Variants in UNC79 observed in about 807,000 individuals in gnomAD.
The protein encoded by UNC79 is protein unc-79 homolog.
A neutral mutation model predicts 283.1 loss-of-function variants in UNC79; 37 were observed. The observed-to-expected ratio is 0.13, with a 90% CI of 0.10 to 0.17. UNC79 has a LOEUF of 0.17. UNC79 is among the 10% of genes least tolerant of loss of function. The pLI, the probability that UNC79 is intolerant of heterozygous loss-of-function variation, is 1.00. For missense variants in UNC79, 2,272 were observed against 3,211.1 expected, an observed-to-expected ratio of 0.71 and a Z score of 7.07; for synonymous variants, 1,107 against 1,200.2, an observed-to-expected ratio of 0.92 and a Z score of 1.61.
chr14:93,336,388 C>G (rs1436695164), intron 1 of UNC79, among the ~76,000 whole-genome samples: 1 of 152,022 alleles, frequency 6.6e-6, no homozygotes, highest in African/African-American at 2.4e-5. Context: ...GTCACCCAGG[C>G]TGGAGTGCAA....
At chr14:93,583,374 C>T (rs2063960298) in intron 20 of UNC79, among the ~76,000 whole-genome samples, 1 of 151,940 alleles carries the variant, frequency 6.6e-6, no homozygotes, top group African/African-American at 2.4e-5. Context: ...GAGCCCACTC[C>T]AGTATCAGGA....
At chr14:93,678,107 T>C (rs1375255694) in intron 41 of UNC79, among the ~76,000 whole-genome samples, 1 of 152,276 alleles carries the variant, frequency 6.6e-6, no homozygotes. Context: ...ACCTTTCCCC[T>C]TTACCTTTGG....
At chr14:93,578,121 A>G in intron 18 of UNC79, 58 bp downstream of exon 18, 1 of 1,492,414 alleles carries the variant, frequency 6.7e-7, no homozygotes. Flanking sequence ...AAAGCGTTGT[A>G]CAGCAATTCT....
At chr14:93,545,214 CAT>C (rs1459981839) in intron 14 of UNC79, among the ~76,000 whole-genome samples, 1 of 152,124 alleles carries the variant, frequency 6.6e-6, no homozygotes, top group African/African-American at 2.4e-5. Context: ...TTCATCAAAA[CAT>C]AAAATTTCTC....
rs117737685 is a variant in UNC79, at chr14:93,341,878, C to T, written c.-351+8355C>T. On this transcript the variant is annotated intron_variant, in intron 1 of 49. Coordinates refer to the UNC79 transcript ENST00000256339. Reference sequence around the variant, plus strand: ...CTCCATGTCTCACATCCAAGACATACTGATGCAAGAGGTGGGTTCCCAAGG... The same window carrying T: ...CTCCATGTCTCACATCCAAGACATATTGATGCAAGAGGTGGGTTCCCAAGG... Among the ~76,000 whole-genome samples, 3 of 152,328 alleles carry T rather than the reference C, an allele frequency of 2.0e-5. No individual in the cohort carries two copies. The East Asian group carries it at 5.8e-4, about 29-fold the overall frequency.
At chr14:93,561,771 G>T (rs556321515) in intron 14 of UNC79, among the ~76,000 whole-genome samples, 1 of 152,318 alleles carries the variant, frequency 6.6e-6, no homozygotes, top group Non-Finnish European at 1.5e-5. Flanking sequence ...AAGAGTGGCG[G>T]TTTGGGGATA....
intron 1 of UNC79, chr14:93,347,042 ACTG>A: frequency 2.1e-6 from 1 of 476,328 alleles, no homozygotes; most frequent in Non-Finnish European, 3.7e-6. Flanking sequence ...CAAAGCACGG[ACTG>A]CTGAGTGGAA....
intron 46 of UNC79, among the ~76,000 whole-genome samples, chr14:93,692,996 T>A (rs1450132489): frequency 6.6e-6 from 1 of 152,240 alleles, no homozygotes; most frequent in Non-Finnish European, 1.5e-5. Flanking sequence ...AACACTACAC[T>A]GCCCACAAAA....
intron 1 of UNC79, among the ~76,000 whole-genome samples, chr14:93,385,117 C>T (rs1009241552): frequency 2.0e-5 from 3 of 152,070 alleles, no homozygotes; most frequent in African/African-American, 7.2e-5. Context: ...AATGTGATTC[C>T]TTCAGTTTTG....
At chr14:93,638,530 T>C (rs1469873892) in intron 32 of UNC79, among the ~76,000 whole-genome samples, 2 of 152,222 alleles carry the variant, frequency 1.3e-5, no homozygotes, top group African/African-American at 4.8e-5. Flanking sequence ...CATGCATGCC[T>C]TTGAGACAAA....
At chr14:93,697,568 C>T (rs1406217140) in intron 47 of UNC79, among the ~76,000 whole-genome samples, 2 of 151,990 alleles carry the variant, frequency 1.3e-5, no homozygotes, top group African/African-American at 4.8e-5. Context: ...AGGTCATTTG[C>T]CATTCGAGAT....
At chr14:93,622,943 A>C (rs1368953280) in intron 30 of UNC79, 102 bp downstream of exon 32, 1 of 1,439,836 alleles carries the variant, frequency 6.9e-7, no homozygotes, top group Non-Finnish European at 9.3e-7. Context: ...AAACTCTTAT[A>C]ATGTCAGGGT....
intron 5 of UNC79, among the ~76,000 whole-genome samples, chr14:93,492,311 T>C (rs781418168): frequency 6.6e-6 from 1 of 151,300 alleles, no homozygotes; most frequent in South Asian, 2.1e-4. Flanking sequence ...TCAGAAAAGA[T>C]TTTGCGTCAC....
chr14:93,349,591 T>C (rs1168962427), intron 1 of UNC79, among the ~76,000 whole-genome samples: 2 of 152,236 alleles, frequency 1.3e-5, no homozygotes, highest in Admixed American at 6.5e-5. Flanking sequence ...ATCTCTCCTC[T>C]ACATTCTGTT....
intron 1 of UNC79, among the ~76,000 whole-genome samples, chr14:93,359,661 T>G (rs1020178687): frequency 1.3e-5 from 2 of 152,186 alleles, no homozygotes; most frequent in Non-Finnish European, 2.9e-5. Flanking sequence ...GGAAGCCTAC[T>G]GCATTCCTAC....
exon 14 of UNC79, chr14:93,542,643 C>T (rs375043069): frequency 1.5e-5 from 24 of 1,614,166 alleles, no homozygotes; most frequent in East Asian, 2.2e-5. Flanking sequence ...ATGTGATGTT[C>T]GCTTCGATGT....
chr14:93,630,274 G>T (rs74073847), intron 30 of UNC79, among the ~76,000 whole-genome samples: 2,879 of 152,314 alleles, frequency 0.019, 108 homozygotes, highest in African/African-American at 0.066. Context: ...GAAGGTTAAA[G>T]ACAAGGTGCT....
At chr14:93,605,567 G>A (rs1188898154) in intron 26 of UNC79, among the ~76,000 whole-genome samples, 1 of 152,182 alleles carries the variant, frequency 6.6e-6, no homozygotes, top group East Asian at 1.9e-4. Context: ...GAATGGTGCC[G>A]TGACTCACTG....
upstream of UNC79, among the ~76,000 whole-genome samples, chr14:93,428,693 A>C (rs1037936718): frequency 1.3e-5 from 2 of 152,256 alleles, no homozygotes; most frequent in Non-Finnish European, 2.9e-5. Context: ...GAGTTTCAGC[A>C]GTAATGCTAA....
Sources: allele counts gnomAD v4.1 joint callset (sites outside exome capture counted in the v4.1 genomes callset), GRCh38; gene constraint gnomAD v4.1.1; transcripts MANE v1.5; gene names NCBI Gene and HGNC (gene_info 2026-07-23, HGNC 2026-07-21).